DMD: variants seen among roughly 807,000 people sequenced by gnomAD.
DMD encodes the protein mutant dystrophin.
A neutral mutation model predicts 330.1 loss-of-function variants in DMD; 63 were observed. The observed-to-expected ratio is 0.19, with a 90% confidence interval of 0.16 to 0.24. The LOEUF (loss-of-function observed/expected upper bound fraction) is 0.24, where lower values mean the gene tolerates loss of function less well. Among genes scored for constraint, DMD ranks in the 10% least tolerant of loss-of-function variants. The probability of loss-of-function intolerance (pLI) is 1.00; values close to 1 mark genes in which losing one functional copy is unlikely to be tolerated. For missense variants in DMD, 3,344 were observed against 2,684.1 expected (o/e 1.25, Z -5.43); for synonymous variants, 1,223 against 959.8 (o/e 1.27, Z -5.07).
chrX:32,731,669 C>T (rs1238039336), intron 7 of DMD, among the ~76,000 whole-genome samples: 1 of 111,811 alleles, frequency 8.9e-6, no homozygotes, highest in East Asian at 2.8e-4. Flanking sequence ...CCTCACACGG[C>T]AGGGTACTCC....
chrX:31,125,648 T>G (rs1019807660), intron 78 of DMD, among the ~76,000 whole-genome samples: 1 of 111,719 alleles, frequency 9.0e-6, no homozygotes, highest in Non-Finnish European at 1.9e-5. Context: ...AGTTAACACT[T>G]TGTCATCCAA....
intron 2 of DMD, among the ~76,000 whole-genome samples, chrX:32,975,479 G>A (rs992625613): frequency 1.9e-5 from 2 of 106,743 alleles, no homozygotes; most frequent in Admixed American, 2.0e-4. Flanking sequence ...AAGTAGATAG[G>A]GAGGAGTCCT....
At chrX:31,586,753 T>C (rs1053362974) in intron 55 of DMD, among the ~76,000 whole-genome samples, 1 of 112,130 alleles carries the variant, frequency 8.9e-6, no homozygotes, top group Non-Finnish European at 1.9e-5. Context: ...ATCTGAGATA[T>C]GTGTATATTT....
At chrX:31,797,056 C>T (rs190221391) in intron 50 of DMD, among the ~76,000 whole-genome samples, 28 of 111,644 alleles carry the variant, frequency 2.5e-4, no homozygotes, top group African/African-American at 7.5e-4. Flanking sequence ...ATTGCCCAGT[C>T]TCTGGCATTC....
intron 16 of DMD, among the ~76,000 whole-genome samples, chrX:32,555,757 G>A (rs2050228287): frequency 9.0e-6 from 1 of 111,603 alleles, no homozygotes; most frequent in Non-Finnish European, 1.9e-5. Flanking sequence ...CATAGTGCTG[G>A]GATAGTCCTA....
Position 33,211,309 on chromosome X carries a change from G to A in DMD, c.4C>T (p.Leu2Phe), listed in dbSNP as rs1307612793. The change falls in exon 1 of 79, where the codon CTT becomes TTT. Residue 2 changes from leucine to phenylalanine, a missense_variant. By Grantham distance (22) the Leu-to-Phe change is conservative. Coordinates refer to ENST00000357033, the MANE Select transcript of DMD (RefSeq NM_004006.3). MLWWEEVEDCYE... is the reference protein window; with the variant it reads MFWWEEVEDCYE... ...CAGTCCTCTACTTCTTCCCACCAAA[G>A]CATTTTGAAAAGTGTATATCAAGGC... 8.3e-7 allele frequency: 1 copy of A among 1,208,692 alleles called. No individual in the cohort carries two copies. The highest frequency in any genetic ancestry group is 3.0e-5 in the East Asian group (1 of 33,733).
At chrX:31,214,292 A>G (rs1350369099) in intron 64 of DMD, among the ~76,000 whole-genome samples, 1 of 112,156 alleles carries the variant, frequency 8.9e-6, no homozygotes, top group African/African-American at 3.2e-5. Context: ...AACTGGGGCT[A>G]CAATTAAGAG....
chrX:33,047,294 G>C (rs943521407), intron 1 of DMD, among the ~76,000 whole-genome samples: 1 of 111,768 alleles, frequency 8.9e-6, no homozygotes, highest in African/African-American at 3.3e-5. Flanking sequence ...GATGTACCTA[G>C]ATTTTTTAAA....
intron 1 of DMD, among the ~76,000 whole-genome samples, chrX:33,151,161 T>A (rs2048268046): frequency 8.9e-6 from 1 of 112,413 alleles, no homozygotes; most frequent in African/African-American, 3.2e-5. Flanking sequence ...TCCCTCTAGA[T>A]GAGTACAGCG....
At chrX:32,815,524 C>CACACAG in intron 6 of DMD, among the ~76,000 whole-genome samples, 1 of 83,631 alleles carries the variant, frequency 1.2e-5, no homozygotes, top group Non-Finnish European at 2.2e-5. Flanking sequence ...TATATATACA[C>CACACAG]ACACACACAC....
Position 32,648,903 on chromosome X carries a change from T to G in DMD, c.961-3751A>C, listed in dbSNP as rs184456900. The stretch of plus-strand genomic sequence containing the variant: ...TGAAGAGATTTTCTAGGAAAGTTGG[T>G]TTTTGTTCTTTATAGATCTATTTAT... On this transcript the variant is annotated intron_variant, in intron 9 of 78. Coordinates refer to ENST00000357033, the MANE Select transcript of DMD (RefSeq NM_004006.3). 1.8e-3 allele frequency among the ~76,000 whole-genome samples: 198 copies of G among 111,407 alleles called. 1 individual carries two copies. Among genetic ancestry groups the G allele is most frequent in the Non-Finnish European group, 5.3e-4 (28 of 53,067 alleles).
At chrX:32,814,381 A>C (rs978033114) in intron 6 of DMD, among the ~76,000 whole-genome samples, 3 of 112,382 alleles carry the variant, frequency 2.7e-5, no homozygotes, top group Non-Finnish European at 5.6e-5. Context: ...CTTATGCTCT[A>C]TATTAACTAC....
intron 63 of DMD, among the ~76,000 whole-genome samples, chrX:31,252,522 T>C (rs1406960482): frequency 5.4e-5 from 6 of 111,246 alleles, no homozygotes; most frequent in Non-Finnish European, 1.1e-4. Flanking sequence ...CATCCACCGG[T>C]ATGGTAGCAT....
intron 60 of DMD, among the ~76,000 whole-genome samples, chrX:31,357,609 AC>A (rs1292785763): frequency 9.0e-6 from 1 of 111,143 alleles, no homozygotes; most frequent in Non-Finnish European, 1.9e-5. Flanking sequence ...ACAACCCTTA[AC>A]CGAGGAAATC....
intron 1 of DMD, among the ~76,000 whole-genome samples, chrX:33,125,626 G>T (rs1239822490): frequency 9.0e-6 from 1 of 111,699 alleles, no homozygotes; most frequent in Non-Finnish European, 1.9e-5. Context: ...TATAATTTTT[G>T]AATGTTTGAC....
chrX:31,374,970 C>T (rs1024261283), intron 60 of DMD, among the ~76,000 whole-genome samples: 3 of 111,444 alleles, frequency 2.7e-5, no homozygotes, highest in Admixed American at 9.5e-5. Flanking sequence ...CAGCTGGGGC[C>T]TTCATTGGAA....
chrX:32,344,213 G>A (rs1030650123), intron 39 of DMD, among the ~76,000 whole-genome samples: 11 of 111,462 alleles, frequency 9.9e-5, no homozygotes, highest in African/African-American at 3.3e-4. Flanking sequence ...TAGCAATTAG[G>A]GTTTTATTCA....
intron 7 of DMD, among the ~76,000 whole-genome samples, chrX:32,728,782 G>T (rs767902864): frequency 1.9e-4 from 21 of 111,484 alleles, no homozygotes; most frequent in Non-Finnish European, 3.2e-4. Flanking sequence ...CTTCCTGTTG[G>T]ATTTATTCTT....
chrX:32,815,099 T>C (rs910352330), intron 6 of DMD, among the ~76,000 whole-genome samples: 2 of 111,009 alleles, frequency 1.8e-5, no homozygotes, highest in Non-Finnish European at 3.8e-5. Flanking sequence ...TGAATGCATG[T>C]CTGCCTCTGT....
Sources: gnomAD v4.1 joint callset for allele counts (sites outside exome capture counted in the v4.1 genomes callset) on GRCh38, gnomAD v4.1.1 for gene constraint, MANE v1.5 for transcripts, NCBI Gene and HGNC (gene_info 2026-07-23, HGNC 2026-07-21) for gene names.